PARPBP: variants seen among roughly 807,000 people sequenced by gnomAD.
PARPBP encodes PCNA-interacting partner.
A neutral mutation model predicts 50.0 loss-of-function variants in PARPBP; 52 were observed. The ratio of observed to expected loss-of-function variants is 1.04; its 90% confidence interval spans 0.83 to 1.31. The LOEUF (loss-of-function observed/expected upper bound fraction) is 1.31. Ranked by LOEUF, PARPBP falls within the 50% of genes most tolerant of loss-of-function variation. The probability of loss-of-function intolerance (pLI) is 0.00; values close to 1 mark genes in which losing one functional copy is unlikely to be tolerated. For missense variants in PARPBP, 697 were observed against 672.0 expected, an observed-to-expected ratio of 1.04 and a Z score of -0.41; for synonymous variants, 244 against 232.1, an observed-to-expected ratio of 1.05 and a Z score of -0.47.
intron 4 of PARPBP, among the ~76,000 whole-genome samples, chr12:102,154,463 T>C (rs111694491): frequency 6.6e-6 from 1 of 152,306 alleles, no homozygotes; most frequent in African/African-American, 2.4e-5. Context: ...CTGAATACTA[T>C]GCTGGGTACC....
chr12:102,129,594 T>A (rs1183453603), intron 2 of PARPBP, among the ~76,000 whole-genome samples: 2 of 152,216 alleles, frequency 1.3e-5, no homozygotes, highest in Non-Finnish European at 2.9e-5. Flanking sequence ...AATGTTAAAT[T>A]TAAGCCTTTA....
Position 102,164,522 on chromosome 12 carries a change from C to G in PARPBP, c.580C>G (p.Leu194Val). Residue 194 changes from leucine to valine, a missense_variant, in exon 5 of 11, where the codon CTC (leucine) becomes GTC (valine). Physicochemically the swap from Leu to Val is conservative, Grantham distance 32. Transcript: ENST00000327680. ...GAATGACCTGGCTGTGGCTTATATTCTCAATATTCCTGATAGAGGACTAGG... is the reference window on the plus strand; with the variant it reads ...GAATGACCTGGCTGTGGCTTATATTGTCAATATTCCTGATAGAGGACTAGG... ...SKNDLAVAYI[L>V]NIPDRGLGRE... is the part of the protein sequence containing the mutation. 6.2e-7 allele frequency: 1 copy of G among 1,612,244 alleles called. No homozygotes were observed. Among genetic ancestry groups the G allele is most frequent in the South Asian group, 1.1e-5 (1 of 91,056 alleles).
chr12:102,180,403 T>C (rs1889710125), intron 8 of PARPBP, among the ~76,000 whole-genome samples: 1 of 152,182 alleles, frequency 6.6e-6, no homozygotes, highest in South Asian at 2.1e-4. Flanking sequence ...GAGTCCATTT[T>C]AAAAAGGAAT....
intron 6 of PARPBP, among the ~76,000 whole-genome samples, chr12:102,173,595 T>G (rs1888966135): frequency 6.6e-6 from 1 of 151,836 alleles, no homozygotes; most frequent in Admixed American, 6.6e-5. Context: ...ATAGAAGGAT[T>G]TTTTTTTAAA....
At chr12:102,186,206 T>C (rs1434864639) in intron 9 of PARPBP, among the ~76,000 whole-genome samples, 1 of 152,126 alleles carries the variant, frequency 6.6e-6, no homozygotes, top group African/African-American at 2.4e-5. Flanking sequence ...TTGGGTCATC[T>C]CTCTTTTTTT....
At chr12:102,153,776 C>G in intron 3 of PARPBP, 93 bp from the exon 4 acceptor site, 2 of 685,842 alleles carry the variant, frequency 2.9e-6, no homozygotes, top group Non-Finnish European at 5.3e-6. Flanking sequence ...ATACTCTCAA[C>G]TGAAACATCA....
intron 6 of PARPBP, among the ~76,000 whole-genome samples, chr12:102,169,371 T>C (rs969239790): frequency 1.3e-5 from 2 of 152,196 alleles, no homozygotes; most frequent in African/African-American, 4.8e-5. Flanking sequence ...TCTTCAACTA[T>C]CTTTAAGATG....
chr12:102,165,600 C>T (rs1300979501), intron 5 of PARPBP, 129 bp from the exon 6 acceptor site: 3 of 687,454 alleles, frequency 4.4e-6, no homozygotes, highest in Middle Eastern at 5.1e-4. Flanking sequence ...CAAAGTGTGT[C>T]ATGAGCCATA....
rs574871857 is a variant in PARPBP at position 102,191,772 on chromosome 12, G to C, written c.1264-3540G>C. On this transcript the variant is annotated intron_variant, in intron 9 of 10. Transcript: ENST00000327680. ...TGCTGTGGATAGAAATATTTCCAAAGGGAGGAAATCACTCTACAAAGGAAT... is the reference window on the plus strand; with the variant it reads ...TGCTGTGGATAGAAATATTTCCAAACGGAGGAAATCACTCTACAAAGGAAT... 2.8e-4 allele frequency among the ~76,000 whole-genome samples: 42 copies of C among 152,226 alleles called. No individual in the cohort carries two copies. In the South Asian group the frequency reaches 8.5e-3, roughly 31 times the overall value.
At chr12:102,122,304 A>G (rs1447348031) in intron 1 of PARPBP, among the ~76,000 whole-genome samples, 1 of 152,230 alleles carries the variant, frequency 6.6e-6, no homozygotes, top group Non-Finnish European at 1.5e-5. Context: ...ATTTATGTAA[A>G]TAATTAATCT....
At chr12:102,186,355 A>G (rs1890303852) in intron 9 of PARPBP, among the ~76,000 whole-genome samples, 1 of 151,594 alleles carries the variant, frequency 6.6e-6, no homozygotes, top group East Asian at 1.9e-4. Context: ...CTTTTCTTCT[A>G]CTAATTTTGA....
intron 9 of PARPBP, among the ~76,000 whole-genome samples, chr12:102,188,327 A>G (rs1206764720): frequency 6.6e-6 from 1 of 151,740 alleles, no homozygotes. Flanking sequence ...ATCACAGAAC[A>G]TAGTGTGAAA....
chr12:102,194,592 T>C, intron 9 of PARPBP, among the ~76,000 whole-genome samples: 1 of 151,930 alleles, frequency 6.6e-6, no homozygotes, highest in Middle Eastern at 3.2e-3. Context: ...ATTGAGTTCA[T>C]CTTTGTAATT....
intron 2 of PARPBP, among the ~76,000 whole-genome samples, chr12:102,140,348 A>T (rs1884372004): frequency 6.6e-6 from 1 of 151,806 alleles, no homozygotes; most frequent in African/African-American, 2.4e-5. Flanking sequence ...ATCGTTTTTT[A>T]TTGTGGCTAT....
At chr12:102,141,518 T>A (rs769720068) in intron 2 of PARPBP, among the ~76,000 whole-genome samples, 6 of 152,226 alleles carry the variant, frequency 3.9e-5, no homozygotes, top group Non-Finnish European at 8.8e-5. Flanking sequence ...GTGAATTTGA[T>A]CCTGTCATTA....
At chr12:102,143,777 AT>A (rs530878679) in intron 2 of PARPBP, among the ~76,000 whole-genome samples, 69 of 148,138 alleles carry the variant, frequency 4.7e-4, no homozygotes, top group Middle Eastern at 3.5e-3. Flanking sequence ...AATAGAGGCT[AT>A]TTTTTTTTTG....
intron 2 of PARPBP, among the ~76,000 whole-genome samples, chr12:102,125,297 A>G (rs540479496): frequency 6.6e-6 from 1 of 152,236 alleles, no homozygotes; most frequent in South Asian, 2.1e-4. Context: ...AATGCTATTA[A>G]TAATAGTGTT....
At chr12:102,174,583 G>A (rs1455131153) in intron 6 of PARPBP, among the ~76,000 whole-genome samples, 2 of 152,144 alleles carry the variant, frequency 1.3e-5, no homozygotes, top group African/African-American at 4.8e-5. Context: ...TGACTTCATG[G>A]TCTGTAGTCA....
chr12:102,150,228 C>T, intron 3 of PARPBP: 1 of 454,716 alleles, frequency 2.2e-6, no homozygotes, highest in East Asian at 7.0e-5. Flanking sequence ...CGTGGAAGAT[C>T]AACAACTTAA....
Sources: gnomAD v4.1 joint callset for allele counts (sites outside exome capture counted in the v4.1 genomes callset) on GRCh38, gnomAD v4.1.1 for gene constraint, MANE v1.5 for transcripts, NCBI Gene and HGNC (gene_info 2026-07-23, HGNC 2026-07-21) for gene names.